The following ESRRG variants were observed in gnomAD, a reference collection of about 807,000 sequenced individuals.
The protein encoded by ESRRG is estrogen-related receptor gamma.
ESRRG carries 13 observed loss-of-function variants against 44.0 expected under a neutral mutation model. The ratio of observed to expected loss-of-function variants is 0.30; its 90% confidence interval spans 0.19 to 0.47. The LOEUF (loss-of-function observed/expected upper bound fraction) is 0.47. Among genes scored for constraint, ESRRG ranks in the 20% least tolerant of loss-of-function variants. The pLI is 1.00. For synonymous variants in ESRRG, 215 were observed against 214.6 expected, an observed-to-expected ratio of 1.00 and a Z score of -0.02; for missense variants, 395 against 580.6, an observed-to-expected ratio of 0.68 and a Z score of 3.29.
chr1:216,904,009 ATAATTCAG>A (rs1294073316), intron 2 of ESRRG, among the ~76,000 whole-genome samples: 1 of 152,126 alleles, frequency 6.6e-6, no homozygotes, highest in Admixed American at 6.5e-5. Flanking sequence ...GAACCTCTTG[ATAATTCAG>A]TAATTCAGTT....
chr1:216,766,529 C>T (rs535378575), intron 2 of ESRRG, among the ~76,000 whole-genome samples: 7 of 151,958 alleles, frequency 4.6e-5, no homozygotes, highest in East Asian at 1.9e-4. Flanking sequence ...GGAACTTTTC[C>T]AATACCATAT....
chr1:216,666,299 T>G (rs1256848736), intron 2 of ESRRG, among the ~76,000 whole-genome samples: 1 of 152,240 alleles, frequency 6.6e-6, no homozygotes, highest in Non-Finnish European at 1.5e-5. Flanking sequence ...ATATACCCTA[T>G]CTGGCTTTAG....
chr1:216,982,651 A>G lies in ESRRG; in HGVS notation c.-105-42978T>C, dbSNP rs116185464. Among the ~76,000 whole-genome samples the G allele has an allele frequency of 6.2e-3, 944 of 152,334 alleles. 4 individuals carry two copies. Among genetic ancestry groups the G allele is most frequent in the Non-Finnish European group, 0.01 (702 of 68,038 alleles). The stretch of plus-strand genomic sequence containing the variant: ...GAGAGTAGAAGAGCACCTTACTTAA[A>G]ACCAATCTTTGGCTTCCAAACTTAA... On this transcript the variant is annotated intron_variant, in intron 1 of 7. Coordinates refer to the ESRRG transcript ENST00000359162.
chr1:216,651,188 C>A, intron 2 of ESRRG, 99 bp from the exon 3 acceptor site: 1 of 760,264 alleles, frequency 1.3e-6, no homozygotes, highest in Admixed American at 1.9e-5. Context: ...TACTCTCCCA[C>A]CCCAAAAAAT....
intron 1 of ESRRG, among the ~76,000 whole-genome samples, chr1:216,946,833 G>A (rs1051762862): frequency 4.0e-5 from 6 of 151,752 alleles, no homozygotes; most frequent in South Asian, 2.1e-4. Context: ...CCTGAGTAGC[G>A]AGATTATAGG....
intron 3 of ESRRG, among the ~76,000 whole-genome samples, chr1:216,619,451 T>C (rs1232963031): frequency 6.6e-6 from 1 of 152,162 alleles, no homozygotes; most frequent in Non-Finnish European, 1.5e-5. Flanking sequence ...TTCAAAGAAA[T>C]GGGAAGTAAG....
intron 2 of ESRRG, among the ~76,000 whole-genome samples, chr1:216,791,790 G>A (rs1157202849): frequency 1.3e-5 from 2 of 152,006 alleles, no homozygotes; most frequent in Non-Finnish European, 2.9e-5. Flanking sequence ...GAAAATTTTT[G>A]GATAAAACTT....
intron 2 of ESRRG, among the ~76,000 whole-genome samples, chr1:216,740,117 C>A (rs1267800494): frequency 6.6e-6 from 1 of 152,156 alleles, no homozygotes; most frequent in African/African-American, 2.4e-5. Context: ...TTTTATCTGG[C>A]TACAGTCCTA....
At chr1:216,948,395 T>C (rs2066409843) in intron 1 of ESRRG, among the ~76,000 whole-genome samples, 1 of 149,004 alleles carries the variant, frequency 6.7e-6, no homozygotes, top group Admixed American at 6.7e-5. Flanking sequence ...GAGAATCTCT[T>C]GAACCTGGGA....
chr1:217,039,619 A>G (rs570650412), intron 1 of ESRRG, among the ~76,000 whole-genome samples: 1 of 152,288 alleles, frequency 6.6e-6, no homozygotes, highest in Non-Finnish European at 1.5e-5. Flanking sequence ...GCTCCTTCCC[A>G]TAATATGTGG....
At chr1:216,839,005 A>G (rs1022123122) in intron 2 of ESRRG, among the ~76,000 whole-genome samples, 1 of 152,116 alleles carries the variant, frequency 6.6e-6, no homozygotes, top group Admixed American at 6.6e-5. Flanking sequence ...ACAGTGATGG[A>G]GTCTTCCTTT....
intron 1 of ESRRG, among the ~76,000 whole-genome samples, chr1:217,128,678 G>A (rs749260232): frequency 2.0e-5 from 3 of 152,074 alleles, no homozygotes; most frequent in Admixed American, 6.6e-5. Flanking sequence ...GGACTTCTTC[G>A]AAGAAAAAGG....
At chr1:216,936,288 A>G (rs911659461) in intron 2 of ESRRG, among the ~76,000 whole-genome samples, 1 of 152,168 alleles carries the variant, frequency 6.6e-6, no homozygotes, top group African/African-American at 2.4e-5. Context: ...TGGTTGTCGT[A>G]CTTGTACTGA....
intron 1 of ESRRG, among the ~76,000 whole-genome samples, chr1:216,689,479 A>G (rs1399145503): frequency 6.6e-6 from 1 of 152,202 alleles, no homozygotes. Context: ...ATTATCATCC[A>G]TAAATACATT....
chr1:216,551,487 A>C (rs2056321130), intron 5 of ESRRG, among the ~76,000 whole-genome samples: 1 of 152,172 alleles, frequency 6.6e-6, no homozygotes, highest in Non-Finnish European at 1.5e-5. Context: ...ACAATATAGT[A>C]CGGTTAGATT....
intron 3 of ESRRG, among the ~76,000 whole-genome samples, chr1:216,626,345 C>A (rs1498284): frequency 0.17 from 25,468 of 152,098 alleles, 2,378 homozygotes; most frequent in Middle Eastern, 0.27. Context: ...CCTGAACTCA[C>A]TTCCCATCTT....
chr1:217,098,396 A>G (rs2092457072), intron 1 of ESRRG, among the ~76,000 whole-genome samples: 1 of 152,208 alleles, frequency 6.6e-6, no homozygotes, highest in Admixed American at 6.5e-5. Context: ...CATAGCTGGC[A>G]TTATTATTAT....
intron 3 of ESRRG, among the ~76,000 whole-genome samples, chr1:216,626,990 C>T (rs2063303717): frequency 6.6e-6 from 1 of 152,162 alleles, no homozygotes; most frequent in Admixed American, 6.5e-5. Flanking sequence ...ATAAGATAAG[C>T]AGTATTTCTG....
At chr1:217,083,446 A>T (rs1035049986) in intron 1 of ESRRG, among the ~76,000 whole-genome samples, 4 of 152,244 alleles carry the variant, frequency 2.6e-5, no homozygotes, top group African/African-American at 9.6e-5. Context: ...TCAATCATGC[A>T]CTAAACTCAG....
Sources: gnomAD v4.1 joint callset for allele counts (sites outside exome capture counted in the v4.1 genomes callset) on GRCh38, gnomAD v4.1.1 for gene constraint, MANE v1.5 for transcripts, NCBI Gene and HGNC (gene_info 2026-07-23, HGNC 2026-07-21) for gene names.